PTPRD: variants seen among roughly 807,000 people sequenced by gnomAD.
The protein encoded by PTPRD is receptor-type tyrosine-protein phosphatase delta.
In PTPRD, 34 loss-of-function variants were observed where a neutral mutation model predicts 214.5. The ratio of observed to expected loss-of-function variants is 0.16; its 90% CI spans 0.12 to 0.21. PTPRD has a LOEUF of 0.21. Ranked by LOEUF, PTPRD falls within the 10% of genes least tolerant of loss-of-function variation. The pLI is 1.00. For synonymous variants in PTPRD, 1,128 were observed against 845.7 expected (o/e 1.33, Z -5.79); for missense variants, 2,545 against 2,398.7 (o/e 1.06, Z -1.27).
chr9:9,037,390 T>C (rs2099625340), intron 10 of PTPRD, among the ~76,000 whole-genome samples: 1 of 152,156 alleles, frequency 6.6e-6, no homozygotes, highest in Non-Finnish European at 1.5e-5. Context: ...TAGTTTGTGT[T>C]AGCAAACCTC....
intron 9 of PTPRD, among the ~76,000 whole-genome samples, chr9:9,233,657 T>A (rs1017959730): frequency 6.6e-6 from 1 of 152,216 alleles, no homozygotes; most frequent in Admixed American, 6.5e-5. Context: ...GGTACATGCA[T>A]TGGGTAAATA....
chr9:10,057,603 G>C (rs2097679165), intron 3 of PTPRD, among the ~76,000 whole-genome samples: 2 of 152,120 alleles, frequency 1.3e-5, no homozygotes, highest in South Asian at 4.1e-4. Context: ...CCCAGCACTT[G>C]GGAGGTCAAG....
At chr9:9,770,751 G>C (rs1172089353) in intron 5 of PTPRD, among the ~76,000 whole-genome samples, 1 of 152,028 alleles carries the variant, frequency 6.6e-6, no homozygotes, top group East Asian at 1.9e-4. Flanking sequence ...TGAAAATCTG[G>C]AGAAAAAAAT....
At position 10,334,427 on chromosome 9, in the gene PTPRD, C is replaced by T. The variant is rs186720519; in HGVS notation, c.-545+6536G>A. The stretch of plus-strand genomic sequence containing the variant: ...ACTTGGTAAAAAATATCTATCCCAC[C>T]CCCCACCACCAAAAAATATAACATA... On this transcript the variant is annotated intron_variant, in intron 3 of 45. Transcript: ENST00000381196. Among the ~76,000 whole-genome samples the T allele has an allele frequency of 9.3e-4, 140 of 150,930 alleles. No individual in the cohort carries two copies. In the South Asian group the frequency reaches 0.012, roughly 13 times the overall value.
intron 9 of PTPRD, among the ~76,000 whole-genome samples, chr9:9,218,422 T>C (rs1172222384): frequency 1.3e-5 from 2 of 152,300 alleles, no homozygotes; most frequent in East Asian, 3.9e-4. Flanking sequence ...AGTTTAATCC[T>C]GCACCTCTTT....
chr9:8,383,555 C>G (rs574663795), intron 37 of PTPRD, among the ~76,000 whole-genome samples: 84 of 152,266 alleles, frequency 5.5e-4, no homozygotes, highest in African/African-American at 2.0e-3. Context: ...ATGGCATCAT[C>G]TGGTTTGTAT....
intron 33 of PTPRD, 120 bp from the exon 34 acceptor site, chr9:8,449,957 AC>A: frequency 1.1e-6 from 1 of 938,736 alleles, no homozygotes; most frequent in Non-Finnish European, 1.6e-6. Flanking sequence ...CAACTTTTCA[AC>A]CCAGCTGACT....
At chr9:8,798,586 T>C (rs574773846) in intron 11 of PTPRD, among the ~76,000 whole-genome samples, 1 of 152,326 alleles carries the variant, frequency 6.6e-6, no homozygotes, top group South Asian at 2.1e-4. Context: ...TAGTATACCA[T>C]ATCGTCTAAA....
intron 8 of PTPRD, among the ~76,000 whole-genome samples, chr9:9,461,559 C>A (rs1037241294): frequency 2.0e-5 from 3 of 152,160 alleles, no homozygotes; most frequent in Non-Finnish European, 4.4e-5. Flanking sequence ...GGTTCTTAAC[C>A]ATTTGAGGGT....
intron 10 of PTPRD, among the ~76,000 whole-genome samples, chr9:9,108,133 G>A (rs903769673): frequency 6.6e-6 from 1 of 152,054 alleles, no homozygotes; most frequent in Non-Finnish European, 1.5e-5. Flanking sequence ...TTCCAAGCCT[G>A]CAGCATCATA....
intron 4 of PTPRD, among the ~76,000 whole-genome samples, chr9:9,947,579 AT>A (rs1243223345): frequency 9.2e-5 from 4 of 43,652 alleles, no homozygotes; most frequent in Non-Finnish European, 1.4e-4. Context: ...TATATATTAT[AT>A]ATATATTATA....
chr9:9,077,837 T>C (rs1298330427), intron 10 of PTPRD, among the ~76,000 whole-genome samples: 3 of 152,106 alleles, frequency 2.0e-5, no homozygotes, highest in Non-Finnish European at 4.4e-5. Flanking sequence ...TGAGTCAGTT[T>C]TGTATTCAAA....
At chr9:9,305,285 T>C (rs369454168) in intron 9 of PTPRD, among the ~76,000 whole-genome samples, 17 of 152,136 alleles carry the variant, frequency 1.1e-4, no homozygotes, top group African/African-American at 4.1e-4. Flanking sequence ...ACAGTAATCT[T>C]GGTAGGTTTT....
chr9:9,505,554 T>C (rs1199869566), intron 8 of PTPRD, among the ~76,000 whole-genome samples: 3 of 151,464 alleles, frequency 2.0e-5, no homozygotes, highest in Non-Finnish European at 4.4e-5. Flanking sequence ...AATATTTTAA[T>C]AAACTTCTTT....
intron 12 of PTPRD, among the ~76,000 whole-genome samples, chr9:8,656,672 C>G (rs78378314): frequency 8.0e-4 from 122 of 152,248 alleles, no homozygotes; most frequent in African/African-American, 2.6e-3. Context: ...CAGGGTCCAG[C>G]TAGGGAAGCT....
At chr9:9,777,166 T>A (rs2098804854) in intron 5 of PTPRD, among the ~76,000 whole-genome samples, 1 of 152,184 alleles carries the variant, frequency 6.6e-6, no homozygotes, top group Non-Finnish European at 1.5e-5. Context: ...TTACCTCTGG[T>A]CCTCAGATGT....
At chr9:10,361,096 T>C (rs578017393) in intron 2 of PTPRD, among the ~76,000 whole-genome samples, 1 of 152,220 alleles carries the variant, frequency 6.6e-6, no homozygotes, top group East Asian at 1.9e-4. Context: ...CGAGACTCTG[T>C]CTCAAAAACA....
chr9:9,178,603 A>G (rs532896683), intron 10 of PTPRD, among the ~76,000 whole-genome samples: 1 of 152,226 alleles, frequency 6.6e-6, no homozygotes, highest in South Asian at 2.1e-4. Context: ...GACAAACTCT[A>G]AGTCTAGTTA....
chr9:9,864,963 T>C (rs2063616340), intron 5 of PTPRD, among the ~76,000 whole-genome samples: 1 of 152,166 alleles, frequency 6.6e-6, no homozygotes. Flanking sequence ...GATATTATGG[T>C]GTATATTATA....
Sources: allele counts gnomAD v4.1 joint callset (sites outside exome capture counted in the v4.1 genomes callset), GRCh38; gene constraint gnomAD v4.1.1; transcripts MANE v1.5; gene names NCBI Gene and HGNC (gene_info 2026-07-23, HGNC 2026-07-21).